Variants in SACS observed in about 807,000 individuals in gnomAD.
SACS encodes sacsin.
Under a neutral mutation model 348.0 loss-of-function variants are expected in SACS, and 197 were observed. The observed-to-expected ratio is 0.57, with a 90% CI of 0.50 to 0.64. The LOEUF (loss-of-function observed/expected upper bound fraction) is 0.64, where lower values mean the gene tolerates loss of function less well. SACS is among the 30% of genes least tolerant of loss of function. The pLI is 0.00. For synonymous variants in SACS, 1,985 were observed against 1,910.6 expected, an observed-to-expected ratio of 1.04 and a Z score of -1.02; for missense variants, 4,999 against 5,360.8, an observed-to-expected ratio of 0.93 and a Z score of 2.11.
At chr13:23,405,559 C>G (rs1873168652) in intron 2 of SACS, among the ~76,000 whole-genome samples, 1 of 152,068 alleles carries the variant, frequency 6.6e-6, no homozygotes, top group African/African-American at 2.4e-5. Flanking sequence ...CAAATGGGGT[C>G]TAATTAAACT....
rs1868549270 is a variant in SACS, at chr13:23,335,907, C to T, written c.7969G>A (p.Gly2657Arg). 6.2e-7 allele frequency: 1 copy of T among 1,613,106 alleles called. No homozygotes were observed. The highest frequency in any genetic ancestry group is 8.5e-7 in the Non-Finnish European group (1 of 1,179,194). The change falls in exon 10 of 10, where the codon GGG becomes AGG. Residue 2657 changes from glycine (G) to arginine (R), a missense_variant. Around this residue, in one of 6 missense-constraint regions of SACS, gnomAD observed 3,156 missense variants for 3,380.1 expected, o/e 0.93. Coordinates refer to ENST00000382292, the MANE Select transcript of SACS (RefSeq NM_014363.6). The surrounding 1 kb of genome is among the most constrained non-coding windows in gnomAD (Gnocchi z 4.7). ...CGTCCGGGACTAATGGATGTGGCCC[C>T]TGGTGCATATCTGGCATGAGGATCA... Reference protein sequence around the residue: ...IFDPHARYAPGATSISPGRMF... With the variant: ...IFDPHARYAPRATSISPGRMF...
chr13:23,365,151 A>C lies in SACS; in HGVS notation c.457+15T>G. 1.3e-6 allele frequency: 2 copies of C among 1,550,334 alleles called. No homozygotes were observed. Among genetic ancestry groups the C allele is most frequent in the South Asian group, 2.3e-5 (2 of 87,266 alleles). ...GTGCATACAATAAAATTTGTTCCTA[A>C]TTATTGATTCTTACCCTGATATGGC... On this transcript the variant is annotated intron_variant, in intron 6 of 9. Transcript: ENST00000382292.
At chr13:23,395,666 AGCAAAT>A (rs978972354) in intron 2 of SACS, among the ~76,000 whole-genome samples, 11 of 152,190 alleles carry the variant, frequency 7.2e-5, no homozygotes, top group African/African-American at 2.7e-4. Context: ...CAGATATATG[AGCAAAT>A]GAAAATCTTA....
chr13:23,339,235 C>T lies in SACS; in HGVS notation c.4641G>A (p.Arg1547=). ...NITRLGESLK[R]GEVDKVGKFG... The stretch of plus-strand genomic sequence containing the variant: ...ATTTTCCAACTTTGTCAACTTCTCC[C>T]CTTTTTAAAGATTCTCCTAACCTAG... Residue 1547 remains arginine, a synonymous_variant, in exon 10 of 10, where the codon AGG becomes AGA. Coordinates refer to ENST00000382292, the MANE Select transcript of SACS (RefSeq NM_014363.6). The T allele has an allele frequency of 6.2e-7, 1 of 1,608,824 alleles. No homozygotes were observed. The highest frequency in any genetic ancestry group is 2.2e-5 in the East Asian group (1 of 44,840).
chr13:23,368,618 G>T, intron 4 of SACS, 131 bp from the exon 5 acceptor site: 1 of 677,916 alleles, frequency 1.5e-6, no homozygotes, highest in Non-Finnish European at 2.7e-6. Flanking sequence ...GCAGCACCCT[G>T]GTACAGAAAT....
At chr13:23,429,957 CAG>C (rs1369042110) in intron 1 of SACS, among the ~76,000 whole-genome samples, 1 of 152,074 alleles carries the variant, frequency 6.6e-6, no homozygotes, top group East Asian at 1.9e-4. Context: ...CCTGTAATCC[CAG>C]CACTTTGGGA....
intron 2 of SACS, among the ~76,000 whole-genome samples, chr13:23,408,325 TTTGCACTAACATA>T (rs1265666024): frequency 6.6e-6 from 1 of 152,078 alleles, no homozygotes; most frequent in East Asian, 1.9e-4. Flanking sequence ...GAATCTGCCT[TTTGCACTAACATA>T]TTCTGAGGCT....
At chr13:23,410,549 T>C (rs1873437438) in intron 2 of SACS, among the ~76,000 whole-genome samples, 1 of 152,222 alleles carries the variant, frequency 6.6e-6, no homozygotes, top group Non-Finnish European at 1.5e-5. Flanking sequence ...CCCTGATCTC[T>C]ATGGCACTAA....
In SACS at chr13:23,335,358, G is replaced by A; in HGVS notation, c.8518C>T (p.His2840Tyr). The change falls in exon 10 of 10, where the codon CAC becomes TAC. Residue 2840 changes from histidine (H) to tyrosine (Y), a missense_variant. Physicochemically the swap from His to Tyr is moderately conservative, Grantham distance 83. Transcript: ENST00000382292. This position sits in a 1 kb window ranked among gnomAD's most constrained non-coding sequence, Gnocchi z 4.7. ...AAAAGAGTAATATCTTGGTTCTTGT[G>A]AGCTGATATGACACTTTTAGATACT... The part of the protein sequence containing the change: ...EKVSKSVISA[H>Y]KNQDITLFPR... 1.2e-6 allele frequency: 2 copies of A among 1,613,886 alleles called. No homozygotes were observed. Among genetic ancestry groups the A allele is most frequent in the East Asian group, 4.5e-5 (2 of 44,880 alleles).
intron 6 of SACS, among the ~76,000 whole-genome samples, chr13:23,360,095 C>A (rs1225000434): frequency 6.6e-6 from 1 of 152,076 alleles, no homozygotes; most frequent in African/African-American, 2.4e-5. Flanking sequence ...CTCATCTGCA[C>A]AGTAAGAACT....
At chr13:23,409,040 C>T (rs1299993730) in intron 2 of SACS, among the ~76,000 whole-genome samples, 30 of 35,142 alleles carry the variant, frequency 8.5e-4, no homozygotes, top group African/African-American at 1.1e-3. Context: ...ACAAGTTTTA[C>T]TTTTTTTTTT....
intron 1 of SACS, among the ~76,000 whole-genome samples, chr13:23,425,161 C>T (rs954085525): frequency 2.6e-5 from 4 of 151,794 alleles, no homozygotes; most frequent in African/African-American, 4.8e-5. Context: ...GTCAGGGTGT[C>T]CACCTGGGGC....
At position 23,338,620 on chromosome 13, in the gene SACS, A is replaced by G. The variant is rs1305544218; in HGVS notation, c.5256T>C (p.Asp1752=). ...GAAGAATGCAAGATGACTTTGGTTC[A>G]TCACTGGGAAGCTTTTTATTACTGC... ...CSSSNKKLPS[D]EPKSSCILQI... Residue 1752 remains aspartate, a synonymous_variant, in exon 10 of 10, where the codon GAT becomes GAC. Transcript: ENST00000382292. The G allele has an allele frequency of 6.2e-7, 1 of 1,614,056 alleles. No homozygotes were observed. The highest frequency in any genetic ancestry group is 1.7e-5 in the Admixed American group (1 of 60,006).
At chr13:23,348,413 A>T (rs1869747060) in intron 9 of SACS, among the ~76,000 whole-genome samples, 1 of 152,196 alleles carries the variant, frequency 6.6e-6, no homozygotes, top group African/African-American at 2.4e-5. Context: ...CATCTCCTCC[A>T]TGCGGTCCCC....
rs146297287 is a variant in SACS, at chr13:23,388,191, G to A, written c.21-12922C>T. Reference sequence around the variant, plus strand: ...ATTCACAATTGCAAAGATATGGGCCGGGAGCGGTGGCTCACACCTGTAATC... The same window carrying A: ...ATTCACAATTGCAAAGATATGGGCCAGGAGCGGTGGCTCACACCTGTAATC... On this transcript the variant is annotated intron_variant, in intron 2 of 9. Coordinates refer to ENST00000382292, the MANE Select transcript of SACS (RefSeq NM_014363.6). 4.2e-3 allele frequency among the ~76,000 whole-genome samples: 640 copies of A among 151,998 alleles called. 9 individuals carry two copies. Among genetic ancestry groups the A allele is most frequent in the Middle Eastern group, 0.024 (7 of 294 alleles).
rs909539945 is a variant in SACS at position 23,334,606 on chromosome 13, A to G, written c.9270T>C (p.Val3090=). ...YHCLIDADIP[V]SYVTPADIRS... ...TGATATCAGCAGGGGTCACATAACT[A>G]ACAGGAATATCTGCATCTATAAGAC... The change falls in exon 10 of 10, where the codon GTT becomes GTC. Residue 3090 remains valine (V), a synonymous_variant. Coordinates refer to ENST00000382292, the MANE Select transcript of SACS (RefSeq NM_014363.6). 1 of 1,613,438 alleles carries G rather than the reference A, an allele frequency of 6.2e-7. No homozygotes were observed. Among genetic ancestry groups the G allele is most frequent in the Non-Finnish European group, 8.5e-7 (1 of 1,179,798 alleles).
chr13:23,420,120 G>C (rs1566111992), intron 1 of SACS, among the ~76,000 whole-genome samples: 1 of 152,160 alleles, frequency 6.6e-6, no homozygotes, highest in Non-Finnish European at 1.5e-5. Flanking sequence ...TCCACCTGTG[G>C]TGTGGGTATC....
At chr13:23,374,087 A>T (rs1871589471) in intron 3 of SACS, 1 of 152,248 alleles carries the variant, frequency 6.6e-6, no homozygotes, top group African/African-American at 2.4e-5. Flanking sequence ...ATGTTCAGTA[A>T]AAAGCTGAAC....
intron 2 of SACS, among the ~76,000 whole-genome samples, chr13:23,402,851 T>C (rs887169020): frequency 2.0e-5 from 3 of 152,174 alleles, no homozygotes; most frequent in Admixed American, 2.0e-4. Context: ...AGCAAGTTCT[T>C]AGCATGGCTT....
Sources: allele counts gnomAD v4.1 joint callset (sites outside exome capture counted in the v4.1 genomes callset), GRCh38; gene constraint gnomAD v4.1.1; regional missense constraint gnomAD v4.1.1; non-coding constraint Gnocchi (gnomAD v3.1); transcripts MANE v1.5; gene names NCBI Gene and HGNC (gene_info 2026-07-23, HGNC 2026-07-21).